Variants in LRRC74A observed in about 807,000 individuals in gnomAD.
LRRC74A encodes leucine rich repeat containing 74A.
In LRRC74A, 44 loss-of-function variants were observed where a neutral mutation model predicts 57.9. That is an observed-to-expected ratio of 0.76 (90% CI 0.60 to 0.98). The LOEUF is 0.98. LRRC74A is among the 50% of genes least tolerant of loss of function. The probability of loss-of-function intolerance (pLI) is 0.00; values close to 1 mark genes in which losing one functional copy is unlikely to be tolerated. For missense variants in LRRC74A, 572 were observed against 574.0 expected (o/e 1.00, Z 0.04); for synonymous variants, 211 against 219.4 (o/e 0.96, Z 0.34).
chr14:76,839,272 C>G (rs933627424), intron 5 of LRRC74A, among the ~76,000 whole-genome samples: 2 of 152,190 alleles, frequency 1.3e-5, no homozygotes, highest in African/African-American at 4.8e-5. Context: ...TTCCAAATTT[C>G]CCTTTAAAAA....
At position 76,826,432 on chromosome 14, in the gene LRRC74A, T is replaced by C; in HGVS notation, c.-266T>C. The stretch of plus-strand genomic sequence containing the variant: ...AACAGGGCTCCCAGCAATAGAGCAG[T>C]CCCACTCTCCCAGATGAGCTGGAGA... On this transcript the variant is annotated 5_prime_UTR_variant, in exon 1 of 14. Transcript: ENST00000689127. 4 of 1,264,000 alleles carry C rather than the reference T, an allele frequency of 3.2e-6. No homozygotes were observed. The highest frequency in any genetic ancestry group is 4.4e-6 in the Non-Finnish European group (4 of 907,334). The allele number at this position is 1,264,000 out of a possible 1,614,324, so 78.3% of individuals were successfully genotyped here.
chr14:76,860,658 C>T (rs774421857), intron 10 of LRRC74A, 35 bp from the exon 11 acceptor site: 6 of 1,568,876 alleles, frequency 3.8e-6, no homozygotes, highest in Non-Finnish European at 5.2e-6. Context: ...TGGCAGTGCC[C>T]TCATCATCAT....
At chr14:76,830,389 G>A (rs760148160) in intron 2 of LRRC74A, among the ~76,000 whole-genome samples, 16 of 152,226 alleles carry the variant, frequency 1.1e-4, no homozygotes, top group Admixed American at 2.0e-4. Flanking sequence ...AGGGAGGCCC[G>A]ATGCCCAGTG....
At chr14:76,834,670 T>C (rs748890343) in intron 3 of LRRC74A, among the ~76,000 whole-genome samples, 1 of 152,110 alleles carries the variant, frequency 6.6e-6, no homozygotes, top group African/African-American at 2.4e-5. Flanking sequence ...TAGTGACAAA[T>C]AGACAATGGC....
At chr14:76,834,985 C>T (rs1896222190) in intron 3 of LRRC74A, among the ~76,000 whole-genome samples, 2 of 152,070 alleles carry the variant, frequency 1.3e-5, no homozygotes, top group African/African-American at 2.4e-5. Flanking sequence ...GAGAGGGTGG[C>T]GGAGGACCAG....
At chr14:76,839,370 T>A (rs1264120087) in intron 5 of LRRC74A, among the ~76,000 whole-genome samples, 1 of 152,234 alleles carries the variant, frequency 6.6e-6, no homozygotes, top group African/African-American at 2.4e-5. Context: ...TCAAAATGGT[T>A]AAGCATGTGG....
chr14:76,864,427 C>T (rs549341536), intron 11 of LRRC74A, among the ~76,000 whole-genome samples: 8 of 2,648 alleles, frequency 3.0e-3, no homozygotes, highest in Admixed American at 5.1e-3. Context: ...GGGGGGGTGG[C>T]GGGGGGAAGG....
At chr14:76,846,408 G>T (rs1897118076) in intron 7 of LRRC74A, among the ~76,000 whole-genome samples, 1 of 152,132 alleles carries the variant, frequency 6.6e-6, no homozygotes, top group Non-Finnish European at 1.5e-5. Context: ...CCCATCAAGG[G>T]GAATTGTCTC....
At chr14:76,831,520 CT>C (rs1895972793) in intron 3 of LRRC74A, 145 bp downstream of exon 3, 1 of 862,082 alleles carries the variant, frequency 1.2e-6, no homozygotes, top group Admixed American at 2.8e-5. Context: ...CTCTGCTTGG[CT>C]GCCAGATGAT....
chr14:76,859,510 G>A (rs1231781244), intron 10 of LRRC74A, among the ~76,000 whole-genome samples: 1 of 148,036 alleles, frequency 6.8e-6, no homozygotes, highest in Non-Finnish European at 1.5e-5. Flanking sequence ...CTTCAGCCTG[G>A]GCAACAAGAA....
chr14:76,836,115 C>A, intron 3 of LRRC74A, 92 bp from the exon 4 acceptor site: 1 of 888,554 alleles, frequency 1.1e-6, no homozygotes, highest in Non-Finnish European at 1.8e-6. Context: ...CATCTCCACG[C>A]CCATTCACAT....
intron 9 of LRRC74A, among the ~76,000 whole-genome samples, chr14:76,854,467 C>T (rs1204323060): frequency 1.3e-5 from 2 of 152,122 alleles, no homozygotes; most frequent in Admixed American, 1.3e-4. Context: ...ATTAGCCAGG[C>T]GTGATTGTGC....
chr14:76,866,723 C>A (rs1367985151), intron 12 of LRRC74A, among the ~76,000 whole-genome samples: 1 of 151,814 alleles, frequency 6.6e-6, no homozygotes, highest in Non-Finnish European at 1.5e-5. Context: ...CTGTTCCCTC[C>A]CCCGGTCACT....
intron 5 of LRRC74A, among the ~76,000 whole-genome samples, chr14:76,843,687 T>C (rs1387102276): frequency 6.6e-6 from 1 of 152,158 alleles, no homozygotes; most frequent in Non-Finnish European, 1.5e-5. Context: ...TCCTGTCCCT[T>C]CCTTTTTTAT....
chr14:76,845,760 C>T (rs1013737127), intron 7 of LRRC74A, among the ~76,000 whole-genome samples: 2 of 152,260 alleles, frequency 1.3e-5, no homozygotes, highest in African/African-American at 2.4e-5. Flanking sequence ...GTGGCTTACG[C>T]CTGTAGTCCC....
intron 2 of LRRC74A, among the ~76,000 whole-genome samples, chr14:76,829,516 G>A (rs1052064482): frequency 6.6e-6 from 1 of 152,216 alleles, no homozygotes; most frequent in Admixed American, 6.5e-5. Context: ...AACACTGGAT[G>A]TTTGGCCAAA....
chr14:76,850,844 CAAAAAAAAA>C (rs36208311), intron 7 of LRRC74A, among the ~76,000 whole-genome samples: 5 of 130,846 alleles, frequency 3.8e-5, no homozygotes, highest in African/African-American at 1.1e-4. Context: ...AACTCTGTCT[CAAAAAAAAA>C]AAAAAAAAAA....
intron 13 of LRRC74A, among the ~76,000 whole-genome samples, chr14:76,869,102 G>A (rs1595414231): frequency 1.9e-5 from 1 of 53,984 alleles, no homozygotes; most frequent in Non-Finnish European, 3.8e-5. Flanking sequence ...CTCCTCACCT[G>A]CCCCGTGCCT....
chr14:76,829,321 T>C (rs1293683816), intron 2 of LRRC74A, among the ~76,000 whole-genome samples: 1 of 152,198 alleles, frequency 6.6e-6, no homozygotes, highest in Admixed American at 6.5e-5. Flanking sequence ...AGAGTCAGTT[T>C]ATAAACCTCC....
Sources: allele counts gnomAD v4.1 joint callset (sites outside exome capture counted in the v4.1 genomes callset), GRCh38; gene constraint gnomAD v4.1.1; transcripts MANE v1.5; gene names NCBI Gene and HGNC (gene_info 2026-07-23, HGNC 2026-07-21).